C8orf34: variants seen among roughly 807,000 people sequenced by gnomAD.
C8orf34 encodes the protein uncharacterized protein C8orf34.
A neutral mutation model predicts 68.3 loss-of-function variants in C8orf34; 65 were observed. The observed-to-expected ratio is 0.95, with a 90% confidence interval of 0.78 to 1.17. The LOEUF is 1.17. Among genes scored for constraint, C8orf34 ranks in the 50% most tolerant of loss-of-function variants. The pLI, the probability that C8orf34 is intolerant of heterozygous loss-of-function variation, is 0.00. For synonymous variants in C8orf34, 244 were observed against 241.2 expected (o/e 1.01, Z -0.11); for missense variants, 664 against 655.4 (o/e 1.01, Z -0.14).
chr8:68,408,968 T>C (rs185784497), intron 1 of C8orf34, among the ~76,000 whole-genome samples: 1 of 152,282 alleles, frequency 6.6e-6, no homozygotes, highest in Non-Finnish European at 1.5e-5. Flanking sequence ...TTTGTATTTT[T>C]AGTAGAGACG....
chr8:68,815,352 A>G (rs1464722589), intron 12 of C8orf34, among the ~76,000 whole-genome samples: 2 of 146,998 alleles, frequency 1.4e-5, no homozygotes, highest in Admixed American at 6.7e-5. Context: ...ATGGGTACAC[A>G]CATATATATA....
At chr8:68,661,138 A>G (rs1042985724) in intron 8 of C8orf34, among the ~76,000 whole-genome samples, 1 of 152,332 alleles carries the variant, frequency 6.6e-6, no homozygotes, top group Non-Finnish European at 1.5e-5. Flanking sequence ...GCCCTGGGGC[A>G]TGGGCAGCTA....
At chr8:68,732,125 T>A (rs1223814343) in intron 10 of C8orf34, among the ~76,000 whole-genome samples, 1 of 152,226 alleles carries the variant, frequency 6.6e-6, no homozygotes, top group Non-Finnish European at 1.5e-5. Flanking sequence ...TCACAGTCAG[T>A]GTCTCAATGT....
In C8orf34 at chr8:68,575,409, A is replaced by T. The variant is rs76186335; in HGVS notation, c.1105+42260A>T. 8.2e-3 allele frequency among the ~76,000 whole-genome samples: 1,240 copies of T among 152,124 alleles called. 20 individuals carry two copies. Among genetic ancestry groups the T allele is most frequent in the African/African-American group, 0.028 (1,168 of 41,518 alleles). On this transcript the variant is annotated intron_variant, in intron 7 of 13. Coordinates refer to ENST00000518698, the MANE Select transcript of C8orf34 (RefSeq NM_052958.4). Reference sequence around the variant, plus strand: ...AGCTCTATAAACCGTCTAGTTTTCTAATCCTTCATACTGTCACTTCCTGAC... The same window carrying T: ...AGCTCTATAAACCGTCTAGTTTTCTTATCCTTCATACTGTCACTTCCTGAC...
chr8:68,705,791 T>C (rs1327963858), intron 8 of C8orf34, among the ~76,000 whole-genome samples: 2 of 150,952 alleles, frequency 1.3e-5, no homozygotes, highest in South Asian at 2.1e-4. Flanking sequence ...GAAATGATAG[T>C]GGGAAAAAAA....
intron 7 of C8orf34, among the ~76,000 whole-genome samples, chr8:68,553,687 A>G (rs1243646874): frequency 6.6e-6 from 1 of 152,094 alleles, no homozygotes; most frequent in African/African-American, 2.4e-5. Flanking sequence ...TATGGTCAGT[A>G]GCCCCCTTTT....
At chr8:68,378,215 G>A (rs1384185129) in intron 1 of C8orf34, among the ~76,000 whole-genome samples, 2 of 152,158 alleles carry the variant, frequency 1.3e-5, no homozygotes, top group African/African-American at 4.8e-5. Context: ...TCCATGTTCT[G>A]TGCCTGAATG....
rs564771845 is a variant in C8orf34, at chr8:68,441,481, ATCTTCCT to A, written c.475+1847_475+1853del. 3.3e-3 allele frequency among the ~76,000 whole-genome samples: 494 copies of A among 151,478 alleles called. 3 individuals carry two copies. Among genetic ancestry groups the A allele is most frequent in the Middle Eastern group, 0.01 (3 of 294 alleles). ...CTCCTCCTCCTCCTCCATCTTCTTC[ATCTTCCT>A]TCTTCCTTCTTTCTTCTTCTTTAAA... On this transcript the variant is annotated intron_variant, in intron 2 of 13. Coordinates refer to ENST00000518698, the MANE Select transcript of C8orf34 (RefSeq NM_052958.4).
chr8:68,815,143 T>A (rs1824772313), intron 12 of C8orf34, among the ~76,000 whole-genome samples: 1 of 152,170 alleles, frequency 6.6e-6, no homozygotes, highest in Non-Finnish European at 1.5e-5. Context: ...TTATCTTTCT[T>A]ATTTCATCTG....
At chr8:68,536,253 C>A (rs1815464574) in intron 7 of C8orf34, among the ~76,000 whole-genome samples, 1 of 149,570 alleles carries the variant, frequency 6.7e-6, no homozygotes, top group Non-Finnish European at 1.5e-5. Flanking sequence ...TGGTTGCATG[C>A]ACCTATAGTC....
intron 1 of C8orf34, among the ~76,000 whole-genome samples, chr8:68,408,651 A>G (rs1409905719): frequency 6.6e-6 from 1 of 152,228 alleles, no homozygotes; most frequent in Admixed American, 6.5e-5. Flanking sequence ...GATGAACTGC[A>G]CATATGACAG....
intron 10 of C8orf34, among the ~76,000 whole-genome samples, chr8:68,750,846 A>T (rs1037428146): frequency 6.6e-6 from 1 of 152,246 alleles, no homozygotes; most frequent in Admixed American, 6.5e-5. Context: ...TAATTTTTAT[A>T]GTACTCCAAC....
chr8:68,528,579 T>G (rs1197621126), intron 6 of C8orf34, among the ~76,000 whole-genome samples: 1 of 152,174 alleles, frequency 6.6e-6, no homozygotes, highest in East Asian at 1.9e-4. Context: ...TGTTTCCCTA[T>G]TCTGTGGCTG....
At chr8:68,346,439 T>A (rs1044385521) in intron 1 of C8orf34, among the ~76,000 whole-genome samples, 10 of 152,188 alleles carry the variant, frequency 6.6e-5, no homozygotes, top group South Asian at 2.1e-4. Flanking sequence ...TGAACCTACA[T>A]TGACACATCC....
At chr8:68,683,228 A>G (rs1053473804) in intron 8 of C8orf34, among the ~76,000 whole-genome samples, 3 of 151,876 alleles carry the variant, frequency 2.0e-5, no homozygotes, top group Non-Finnish European at 4.4e-5. Flanking sequence ...TTGCTTTGGG[A>G]ACTCAGATTT....
At chr8:68,477,132 G>A (rs2129630750) in intron 4 of C8orf34, among the ~76,000 whole-genome samples, 1 of 152,232 alleles carries the variant, frequency 6.6e-6, no homozygotes, top group Middle Eastern at 3.4e-3. Flanking sequence ...ATAAAGGGGT[G>A]TCTATTTTGA....
At chr8:68,774,902 T>C (rs1277016540) in intron 10 of C8orf34, among the ~76,000 whole-genome samples, 2 of 138,052 alleles carry the variant, frequency 1.4e-5, no homozygotes, top group African/African-American at 5.8e-5. Flanking sequence ...AAGTCAGGAG[T>C]TCGAGACCAC....
chr8:68,360,257 C>A (rs1806926512), intron 1 of C8orf34, among the ~76,000 whole-genome samples: 1 of 152,164 alleles, frequency 6.6e-6, no homozygotes, highest in Non-Finnish European at 1.5e-5. Context: ...CAACCAACCC[C>A]ATGAAATGGT....
chr8:68,472,231 C>A (rs181711848), intron 4 of C8orf34, among the ~76,000 whole-genome samples: 2 of 152,224 alleles, frequency 1.3e-5, no homozygotes, highest in East Asian at 1.9e-4. Context: ...GTGCCTTGAG[C>A]CCTCACTTTG....
Sources: allele counts gnomAD v4.1 joint callset (sites outside exome capture counted in the v4.1 genomes callset), GRCh38; gene constraint gnomAD v4.1.1; transcripts MANE v1.5; gene names NCBI Gene and HGNC (gene_info 2026-07-23, HGNC 2026-07-21).